Variants in AGBL4 observed in about 807,000 individuals in gnomAD.
AGBL4 encodes cytosolic carboxypeptidase 6.
Under a neutral mutation model 66.4 loss-of-function variants are expected in AGBL4, and 58 were observed. The observed-to-expected ratio is 0.87, with a 90% CI of 0.71 to 1.09. AGBL4 has a LOEUF of 1.09. AGBL4 is among the 50% of genes least tolerant of loss of function. The pLI is 0.00. For missense variants in AGBL4, 579 were observed against 631.0 expected, an observed-to-expected ratio of 0.92 and a Z score of 0.88; for synonymous variants, 234 against 222.9, an observed-to-expected ratio of 1.05 and a Z score of -0.44.
chr1:48,922,937 A>G (rs1290431953), intron 5 of AGBL4, among the ~76,000 whole-genome samples: 2 of 151,324 alleles, frequency 1.3e-5, no homozygotes, highest in Non-Finnish European at 2.9e-5. Flanking sequence ...ATATATATAC[A>G]TACATATGCA....
At chr1:48,769,949 A>G (rs1440022996) in intron 6 of AGBL4, among the ~76,000 whole-genome samples, 2 of 152,200 alleles carry the variant, frequency 1.3e-5, no homozygotes, top group Non-Finnish European at 1.5e-5. Flanking sequence ...TTCAGTAGTT[A>G]AGGAAATGAT....
At chr1:49,620,238 T>C (rs1645332227) in intron 3 of AGBL4, among the ~76,000 whole-genome samples, 1 of 152,090 alleles carries the variant, frequency 6.6e-6, no homozygotes. Flanking sequence ...AAAGGGCTAA[T>C]ATCCAGAATC....
chr1:49,857,187 C>T (rs1646457177), intron 1 of AGBL4, among the ~76,000 whole-genome samples: 2 of 151,884 alleles, frequency 1.3e-5, no homozygotes, highest in Non-Finnish European at 1.5e-5. Flanking sequence ...TGAAAGACTG[C>T]AATGAAAATT....
chr1:49,516,110 T>C (rs1380837779), intron 3 of AGBL4, among the ~76,000 whole-genome samples: 1 of 151,676 alleles, frequency 6.6e-6, no homozygotes, highest in Non-Finnish European at 1.5e-5. Context: ...AGGGGGTACT[T>C]TTTTCTAACT....
chr1:49,247,790 C>T (rs569083090), intron 3 of AGBL4, among the ~76,000 whole-genome samples: 1 of 152,240 alleles, frequency 6.6e-6, no homozygotes, highest in Admixed American at 6.5e-5. Flanking sequence ...TAGGAAATTT[C>T]CCAGGTATTT....
intron 4 of AGBL4, among the ~76,000 whole-genome samples, chr1:49,083,345 G>A (rs1431181194): frequency 6.6e-6 from 1 of 152,204 alleles, no homozygotes; most frequent in Non-Finnish European, 1.5e-5. Flanking sequence ...GAAAACTTTT[G>A]CCTGGACATC....
chr1:49,166,315 A>G (rs1261435500), intron 4 of AGBL4, among the ~76,000 whole-genome samples: 1 of 152,150 alleles, frequency 6.6e-6, no homozygotes, highest in Admixed American at 6.6e-5. Flanking sequence ...GGATACTGTT[A>G]TATCTGGCAT....
At chr1:48,552,224 C>T (rs189446049) in intron 11 of AGBL4, among the ~76,000 whole-genome samples, 236 of 152,110 alleles carry the variant, frequency 1.6e-3, no homozygotes, top group Non-Finnish European at 3.0e-3. Context: ...CCACCATGCC[C>T]GGCTAATTTT....
chr1:48,876,593 C>T (rs1649257409), intron 5 of AGBL4, among the ~76,000 whole-genome samples: 1 of 152,154 alleles, frequency 6.6e-6, no homozygotes, highest in Non-Finnish European at 1.5e-5. Context: ...ATGGGCCCCA[C>T]AGCATCTAGG....
chr1:49,991,953 A>G (rs2148404105), intron 1 of AGBL4, among the ~76,000 whole-genome samples: 1 of 152,322 alleles, frequency 6.6e-6, no homozygotes, highest in Non-Finnish European at 1.5e-5. Context: ...AATCTCATTT[A>G]CCTTGCAAGA....
intron 6 of AGBL4, among the ~76,000 whole-genome samples, chr1:48,748,922 A>C (rs933283806): frequency 6.6e-6 from 1 of 152,050 alleles, no homozygotes; most frequent in African/African-American, 2.4e-5. Context: ...TTCTAGCATG[A>C]ATCCTGGATT....
intron 6 of AGBL4, among the ~76,000 whole-genome samples, chr1:48,716,619 C>T (rs185484179): frequency 7.2e-5 from 11 of 152,218 alleles, no homozygotes; most frequent in African/African-American, 2.2e-4. Flanking sequence ...GGCTTCTTCT[C>T]GACATTTGTA....
chr1:48,634,357 G>T, intron 9 of AGBL4, 136 bp downstream of exon 9: 1 of 618,526 alleles, frequency 1.6e-6, no homozygotes, highest in Non-Finnish European at 2.8e-6. Flanking sequence ...ATTCAGAGAA[G>T]AGCAGGCCTA....
intron 1 of AGBL4, among the ~76,000 whole-genome samples, chr1:50,011,183 C>G (rs1382527131): frequency 6.6e-6 from 1 of 151,950 alleles, no homozygotes; most frequent in Non-Finnish European, 1.5e-5. Context: ...TCAAACAACT[C>G]TATAGGAAAA....
At chr1:49,054,887 CA>C (rs1472386918) in intron 4 of AGBL4, among the ~76,000 whole-genome samples, 3 of 151,638 alleles carry the variant, frequency 2.0e-5, no homozygotes, top group African/African-American at 7.3e-5. Context: ...GTCTTTTGTT[CA>C]AAATCAATTG....
intron 6 of AGBL4, among the ~76,000 whole-genome samples, chr1:48,726,682 CT>C (rs1055161631): frequency 7.2e-5 from 11 of 152,170 alleles, no homozygotes; most frequent in Non-Finnish European, 2.9e-5. Flanking sequence ...GCCACCTCTC[CT>C]ACTTACTCCA....
At chr1:49,893,597 G>A (rs1037884693) in intron 1 of AGBL4, among the ~76,000 whole-genome samples, 2 of 152,118 alleles carry the variant, frequency 1.3e-5, no homozygotes, top group African/African-American at 4.8e-5. Flanking sequence ...TACTCCCTGC[G>A]AGCTATGGTA....
intron 3 of AGBL4, among the ~76,000 whole-genome samples, chr1:49,392,110 G>C (rs1443959221): frequency 6.6e-6 from 1 of 152,154 alleles, no homozygotes; most frequent in Non-Finnish European, 1.5e-5. Flanking sequence ...CAATACAGTA[G>C]TCACTGGCCT....
At chr1:49,636,992 C>T (rs574573019) in intron 3 of AGBL4, among the ~76,000 whole-genome samples, 60 of 152,274 alleles carry the variant, frequency 3.9e-4, no homozygotes, top group Admixed American at 9.2e-4. Context: ...GCTGCCAGTG[C>T]GGCTAGAATA....
Sources: allele counts gnomAD v4.1 joint callset (sites outside exome capture counted in the v4.1 genomes callset), GRCh38; gene constraint gnomAD v4.1.1; transcripts MANE v1.5; gene names NCBI Gene and HGNC (gene_info 2026-07-23, HGNC 2026-07-21).